FSIP1: variants seen among roughly 807,000 people sequenced by gnomAD.
FSIP1 encodes the protein fibrous sheath interacting protein 1.
FSIP1 carries 65 observed loss-of-function variants against 60.9 expected under a neutral mutation model. The ratio of observed to expected loss-of-function variants is 1.07; its 90% CI spans 0.87 to 1.31. FSIP1 has a LOEUF of 1.31. Among genes scored for constraint, FSIP1 ranks in the 40% most tolerant of loss-of-function variants. The pLI, the probability that FSIP1 is intolerant of heterozygous loss-of-function variation, is 0.00. For missense variants in FSIP1, 675 were observed against 665.5 expected (o/e 1.01, Z -0.16); for synonymous variants, 209 against 221.2 (o/e 0.94, Z 0.49).
At chr15:39,755,619 A>G (rs761673743) in intron 5 of FSIP1, among the ~76,000 whole-genome samples, 10 of 152,168 alleles carry the variant, frequency 6.6e-5, no homozygotes, top group Non-Finnish European at 1.2e-4. Context: ...TACCCTCTGC[A>G]TATCAGAGTA....
chr15:39,727,978 T>C (rs1333954669), intron 8 of FSIP1, among the ~76,000 whole-genome samples: 3 of 152,118 alleles, frequency 2.0e-5, no homozygotes, highest in Non-Finnish European at 4.4e-5. Flanking sequence ...CAATAACATT[T>C]CTATATACCA....
At chr15:39,667,722 A>G (rs1893554706) in intron 10 of FSIP1, among the ~76,000 whole-genome samples, 1 of 152,200 alleles carries the variant, frequency 6.6e-6, no homozygotes, top group African/African-American at 2.4e-5. Context: ...AAGCTTTCCC[A>G]AAGGGAGAAA....
chr15:39,633,720 T>G (rs1892007288), intron 10 of FSIP1, among the ~76,000 whole-genome samples: 1 of 152,184 alleles, frequency 6.6e-6, no homozygotes, highest in African/African-American at 2.4e-5. Flanking sequence ...ACTGAAGCCA[T>G]CACATACTAT....
At chr15:39,782,134 C>A (rs897418780) in intron 1 of FSIP1, among the ~76,000 whole-genome samples, 1 of 152,238 alleles carries the variant, frequency 6.6e-6, no homozygotes, top group Non-Finnish European at 1.5e-5. Context: ...CACTACTTCC[C>A]CTACACTGGG....
intron 10 of FSIP1, among the ~76,000 whole-genome samples, chr15:39,685,473 G>A (rs922882159): frequency 3.3e-5 from 5 of 152,104 alleles, no homozygotes; most frequent in Non-Finnish European, 2.9e-5. Flanking sequence ...GATGGCAAAG[G>A]AAACCTCAAA....
chr15:39,782,027 T>C (rs1415602500), intron 1 of FSIP1, among the ~76,000 whole-genome samples: 1 of 152,236 alleles, frequency 6.6e-6, no homozygotes, highest in African/African-American at 2.4e-5. Flanking sequence ...TGCTCATACA[T>C]CCATAAAATA....
chr15:39,677,905 A>C (rs1473228593), intron 10 of FSIP1, among the ~76,000 whole-genome samples: 3 of 152,082 alleles, frequency 2.0e-5, no homozygotes, highest in South Asian at 4.1e-4. Flanking sequence ...CTGAGGCAGG[A>C]GAATCACTTG....
intron 10 of FSIP1, among the ~76,000 whole-genome samples, chr15:39,649,305 T>C (rs1050001867): frequency 1.3e-5 from 2 of 152,222 alleles, no homozygotes; most frequent in Non-Finnish European, 2.9e-5. Context: ...GAGTAATTTA[T>C]CCTAAATTTC....
chr15:39,729,593 CACAT>C (rs1212956939), intron 8 of FSIP1, among the ~76,000 whole-genome samples: 1 of 152,098 alleles, frequency 6.6e-6, no homozygotes, highest in East Asian at 1.9e-4. Flanking sequence ...AAAAAAAAGA[CACAT>C]GCATGCGTAT....
chr15:39,689,084 A>G (rs1894496398), intron 10 of FSIP1, among the ~76,000 whole-genome samples: 1 of 152,152 alleles, frequency 6.6e-6, no homozygotes. Context: ...TCCACTCTTC[A>G]GGTTCAACAA....
intron 5 of FSIP1, among the ~76,000 whole-genome samples, chr15:39,744,820 C>T (rs4924385): frequency 0.56 from 84,038 of 149,320 alleles, 23,962 homozygotes; most frequent in African/African-American, 0.62. Flanking sequence ...CAGTTCCCCA[C>T]AGCTGGCCAG....
intron 5 of FSIP1, among the ~76,000 whole-genome samples, chr15:39,761,984 T>C (rs1897515353): frequency 6.6e-6 from 1 of 152,214 alleles, no homozygotes; most frequent in Non-Finnish European, 1.5e-5. Context: ...GGGCCTCAGA[T>C]GGCTGGGTAG....
intron 11 of FSIP1, among the ~76,000 whole-genome samples, chr15:39,612,925 C>T (rs1475410728): frequency 6.6e-6 from 1 of 151,886 alleles, no homozygotes; most frequent in East Asian, 1.9e-4. Context: ...AATTATGATA[C>T]ATCATAAGAT....
chr15:39,780,115 G>C (rs1311452828), intron 1 of FSIP1, among the ~76,000 whole-genome samples: 1 of 152,112 alleles, frequency 6.6e-6, no homozygotes, highest in South Asian at 2.1e-4. Flanking sequence ...AGACTTGCAG[G>C]TCTCATTTTT....
At chr15:39,676,605 T>A (rs1226533905) in intron 10 of FSIP1, among the ~76,000 whole-genome samples, 1 of 107,698 alleles carries the variant, frequency 9.3e-6, no homozygotes, top group African/African-American at 3.8e-5. Context: ...TAAAAATGAG[T>A]TTTTTCCCCT....
intron 5 of FSIP1, among the ~76,000 whole-genome samples, chr15:39,745,164 G>A (rs1484179636): frequency 6.9e-6 from 1 of 143,950 alleles, no homozygotes; most frequent in Non-Finnish European, 1.5e-5. Flanking sequence ...ACACCATCCT[G>A]AGAAAAGGCA....
intron 10 of FSIP1, among the ~76,000 whole-genome samples, chr15:39,696,420 T>C (rs1427786581): frequency 6.6e-6 from 1 of 151,936 alleles, no homozygotes; most frequent in Admixed American, 6.6e-5. Context: ...CAAAAAAATA[T>C]AAATTAAAGC....
At chr15:39,656,196 A>C (rs775804284) in intron 10 of FSIP1, among the ~76,000 whole-genome samples, 6 of 152,198 alleles carry the variant, frequency 3.9e-5, no homozygotes, top group Non-Finnish European at 8.8e-5. Context: ...CACAGTTGAC[A>C]TAAGAATGTA....
chr15:39,770,352 A>G (rs1897838342), intron 3 of FSIP1, 75 bp downstream of exon 3: 2 of 1,132,938 alleles, frequency 1.8e-6, no homozygotes, highest in Admixed American at 5.4e-5. Context: ...TAATACTAAC[A>G]CCTTAAATAT....
Sources: gnomAD v4.1 joint callset for allele counts (sites outside exome capture counted in the v4.1 genomes callset) on GRCh38, gnomAD v4.1.1 for gene constraint, MANE v1.5 for transcripts, NCBI Gene and HGNC (gene_info 2026-07-23, HGNC 2026-07-21) for gene names.